Variants in PAK5 observed in about 807,000 individuals in gnomAD.
The protein encoded by PAK5 is p21 (RAC1) activated kinase 5, also known as serine/threonine-protein kinase PAK 5.
In PAK5, 16 loss-of-function variants were observed where a neutral mutation model predicts 65.9. The ratio of observed to expected loss-of-function variants is 0.24; its 90% CI spans 0.16 to 0.37. The LOEUF (loss-of-function observed/expected upper bound fraction) is 0.37. PAK5 is among the 10% of genes least tolerant of loss of function. PAK5 has a pLI of 1.00. For missense variants in PAK5, 785 were observed against 903.9 expected, an observed-to-expected ratio of 0.87 and a Z score of 1.69; for synonymous variants, 371 against 354.9, an observed-to-expected ratio of 1.05 and a Z score of -0.51.
At chr20:9,638,668 T>G (rs2047011809) in intron 3 of PAK5, among the ~76,000 whole-genome samples, 1 of 152,160 alleles carries the variant, frequency 6.6e-6, no homozygotes, top group Non-Finnish European at 1.5e-5. Flanking sequence ...ACTCTTCAGG[T>G]GATTCTGATC....
intron 1 of PAK5, among the ~76,000 whole-genome samples, chr20:9,739,641 C>A (rs1158525083): frequency 6.6e-6 from 1 of 152,108 alleles, no homozygotes; most frequent in Non-Finnish European, 1.5e-5. Flanking sequence ...ACCTCTGCCC[C>A]AACTTTTTCT....
At chr20:9,718,985 T>C (rs1184613112) in intron 1 of PAK5, among the ~76,000 whole-genome samples, 1 of 152,176 alleles carries the variant, frequency 6.6e-6, no homozygotes, top group Non-Finnish European at 1.5e-5. Context: ...AACATCACAT[T>C]TGTTTCCTGC....
rs1468947025 is a variant in PAK5 at position 9,651,993 on chromosome 20, T to C, written c.-11-7654A>G. Among the ~76,000 whole-genome samples, 6 of 152,358 alleles carry C rather than the reference T, an allele frequency of 3.9e-5. No homozygotes were observed. The South Asian group carries it at 1.0e-3, about 26-fold the overall frequency. On this transcript the variant is annotated intron_variant, in intron 2 of 9. Transcript: ENST00000353224. ...AGAATAAGACCACAGAATTTTAAAATGGTGACTTTAACGTACCTCTTAAGA... is the reference window on the plus strand; with the variant it reads ...AGAATAAGACCACAGAATTTTAAAACGGTGACTTTAACGTACCTCTTAAGA...
intron 4 of PAK5, among the ~76,000 whole-genome samples, chr20:9,566,641 T>G (rs6039505): frequency 0.39 from 59,719 of 151,878 alleles, 15,705 homozygotes; most frequent in African/African-American, 0.76. Flanking sequence ...TCTTGTTCAG[T>G]AATGAAAAAC....
At chr20:9,687,168 C>A (rs1214631565) in intron 2 of PAK5, among the ~76,000 whole-genome samples, 1 of 152,174 alleles carries the variant, frequency 6.6e-6, no homozygotes, top group African/African-American at 2.4e-5. Context: ...AAAGAGGCCT[C>A]AGCCCCAAGG....
intron 1 of PAK5, among the ~76,000 whole-genome samples, chr20:9,787,997 G>A (rs1225273976): frequency 1.3e-5 from 2 of 151,382 alleles, no homozygotes; most frequent in Non-Finnish European, 2.9e-5. Context: ...GGGGGTATGT[G>A]TGAGTACCCA....
At chr20:9,641,537 C>A (rs1353718579) in intron 3 of PAK5, among the ~76,000 whole-genome samples, 1 of 151,136 alleles carries the variant, frequency 6.6e-6, no homozygotes, top group African/African-American at 2.4e-5. Flanking sequence ...CCTAGTGGAT[C>A]CCGCACCGGG....
chr20:9,833,729 G>A (rs1444028976), intron 1 of PAK5, among the ~76,000 whole-genome samples: 9 of 152,274 alleles, frequency 5.9e-5, no homozygotes, highest in Admixed American at 5.9e-4. Flanking sequence ...CTATATAATT[G>A]ATCTGGGAAA....
At chr20:9,773,116 A>T (rs1057161325) in intron 1 of PAK5, among the ~76,000 whole-genome samples, 15 of 152,226 alleles carry the variant, frequency 9.9e-5, no homozygotes, top group African/African-American at 3.6e-4. Flanking sequence ...TCTCTGGAAG[A>T]CAAGCTGGCT....
At chr20:9,742,643 ACT>A (rs753647085) in intron 1 of PAK5, among the ~76,000 whole-genome samples, 44 of 151,784 alleles carry the variant, frequency 2.9e-4, no homozygotes, top group African/African-American at 9.7e-4. Flanking sequence ...GTTGCAGAAA[ACT>A]CTCTCTCTAT....
intron 1 of PAK5, among the ~76,000 whole-genome samples, chr20:9,826,842 ATTCAT>A (rs1370703546): frequency 2.0e-5 from 3 of 152,220 alleles, no homozygotes; most frequent in Non-Finnish European, 4.4e-5. Context: ...AATTAGGCAT[ATTCAT>A]ACCAGGTCTG....
At chr20:9,812,717 T>C (rs576232968) in intron 1 of PAK5, among the ~76,000 whole-genome samples, 1 of 152,268 alleles carries the variant, frequency 6.6e-6, no homozygotes, top group East Asian at 1.9e-4. Context: ...ACAAATTAGA[T>C]AGTTAGAAGG....
intron 3 of PAK5, among the ~76,000 whole-genome samples, chr20:9,606,295 A>G (rs2046453001): frequency 6.6e-6 from 1 of 152,076 alleles, no homozygotes; most frequent in Admixed American, 6.6e-5. Flanking sequence ...TTCCCCGATG[A>G]TTGTAAGTTT....
intron 5 of PAK5, among the ~76,000 whole-genome samples, chr20:9,565,077 C>CCA (rs1204209716): frequency 6.6e-6 from 1 of 151,252 alleles, no homozygotes; most frequent in East Asian, 1.9e-4. Flanking sequence ...GATTATAAGG[C>CCA]CATTAAAATG....
intron 3 of PAK5, among the ~76,000 whole-genome samples, chr20:9,584,961 A>G (rs1166286842): frequency 5.4e-5 from 8 of 149,432 alleles, no homozygotes; most frequent in African/African-American, 2.0e-4. Context: ...ATGGGTAATG[A>G]GTGTAAGGCA....
intron 1 of PAK5, among the ~76,000 whole-genome samples, chr20:9,727,530 T>C (rs1407146377): frequency 6.6e-6 from 1 of 152,220 alleles, no homozygotes; most frequent in East Asian, 1.9e-4. Flanking sequence ...GTAGATTGTG[T>C]CTGCCACAAT....
chr20:9,550,731 GGTGTGTGTGTGT>G (rs111410496), intron 7 of PAK5, among the ~76,000 whole-genome samples: 1 of 148,458 alleles, frequency 6.7e-6, no homozygotes, highest in Admixed American at 6.7e-5. Flanking sequence ...CCATAATTGT[GGTGTGTGTGTGT>G]GTGTGTGTGT....
At chr20:9,684,821 G>C (rs780529881) in intron 2 of PAK5, among the ~76,000 whole-genome samples, 1 of 152,184 alleles carries the variant, frequency 6.6e-6, no homozygotes, top group Non-Finnish European at 1.5e-5. Context: ...AAGACTAAAA[G>C]CTGGCTGGAA....
intron 1 of PAK5, among the ~76,000 whole-genome samples, chr20:9,726,172 G>C (rs1422381085): frequency 6.6e-6 from 1 of 151,966 alleles, no homozygotes; most frequent in East Asian, 1.9e-4. Flanking sequence ...TTTTTAACTT[G>C]GTTATTTGTC....
Sources: allele counts gnomAD v4.1 joint callset (sites outside exome capture counted in the v4.1 genomes callset), GRCh38; gene constraint gnomAD v4.1.1; transcripts MANE v1.5; gene names NCBI Gene and HGNC (gene_info 2026-07-23, HGNC 2026-07-21).